Variants in TWSG1 observed in about 807,000 individuals in gnomAD.
The protein encoded by TWSG1 is twisted gastrulation BMP signaling modulator 1.
A neutral mutation model predicts 23.0 loss-of-function variants in TWSG1; 15 were observed. The ratio of observed to expected loss-of-function variants is 0.65; its 90% CI spans 0.44 to 1.00. The LOEUF is 1.00. Among genes scored for constraint, TWSG1 ranks in the 50% least tolerant of loss-of-function variants. The pLI is 0.00. For synonymous variants in TWSG1, 86 were observed against 92.8 expected, an observed-to-expected ratio of 0.93 and a Z score of 0.42; for missense variants, 242 against 278.7, an observed-to-expected ratio of 0.87 and a Z score of 0.94.
intron 2 of TWSG1, among the ~76,000 whole-genome samples, chr18:9,358,610 C>G (rs1285620436): frequency 6.6e-6 from 1 of 152,074 alleles, no homozygotes; most frequent in Non-Finnish European, 1.5e-5. Context: ...TCTTAAGGAG[C>G]AGGCTTCTGG....
At chr18:9,353,715 G>A (rs908351398) in intron 2 of TWSG1, among the ~76,000 whole-genome samples, 5 of 152,150 alleles carry the variant, frequency 3.3e-5, no homozygotes, top group Non-Finnish European at 7.4e-5. Flanking sequence ...TTTCAAAGCC[G>A]CAGTTGTGTG....
At chr18:9,390,562 G>A (rs2040707875) in intron 3 of TWSG1, among the ~76,000 whole-genome samples, 1 of 152,090 alleles carries the variant, frequency 6.6e-6, no homozygotes, top group African/African-American at 2.4e-5. Flanking sequence ...GTCCCCCAAA[G>A]TGCTGAGATT....
intron 1 of TWSG1, among the ~76,000 whole-genome samples, chr18:9,335,709 C>T (rs1225915351): frequency 1.3e-5 from 2 of 152,156 alleles, no homozygotes; most frequent in Non-Finnish European, 2.9e-5. Flanking sequence ...TTAGGGAATG[C>T]TTTGTGAGCC....
intron 3 of TWSG1, among the ~76,000 whole-genome samples, chr18:9,375,830 A>C (rs966324898): frequency 2.0e-5 from 3 of 152,254 alleles, no homozygotes; most frequent in Admixed American, 2.0e-4. Context: ...ATGAAATCAA[A>C]GAATTAAATA....
intron 3 of TWSG1, among the ~76,000 whole-genome samples, chr18:9,394,777 C>G (rs1203239111): frequency 1.3e-5 from 2 of 152,086 alleles, no homozygotes; most frequent in Non-Finnish European, 2.9e-5. Flanking sequence ...CATGCATGCA[C>G]ACACACGCAC....
In TWSG1 at chr18:9,399,721, C is replaced by T; in HGVS notation, c.*194C>T. On this transcript the variant is annotated 3_prime_UTR_variant, in exon 5 of 5. Transcript: ENST00000262120. ...ATAACTGTTCTTACTGATTTTATTGCCCCCTAGCAATAAGCCCTTTCCTTT... is the reference window on the plus strand; with the variant it reads ...ATAACTGTTCTTACTGATTTTATTGTCCCCTAGCAATAAGCCCTTTCCTTT... 2 of 492,156 alleles carry T rather than the reference C, an allele frequency of 4.1e-6. No individual in the cohort carries two copies. The highest frequency in any genetic ancestry group is 7.1e-5 in the East Asian group (2 of 28,220). 30.5% of individuals were successfully genotyped at this position (492,156 alleles called of 1,614,324 possible). A position where few individuals can be genotyped will look rare whatever the true frequency, so the allele number is the denominator to read the frequency against.
intron 2 of TWSG1, among the ~76,000 whole-genome samples, chr18:9,346,157 C>T (rs1450942611): frequency 6.6e-6 from 1 of 152,130 alleles, no homozygotes; most frequent in Non-Finnish European, 1.5e-5. Flanking sequence ...CCTACCTCCC[C>T]CCAGTCCCCT....
At chr18:9,342,472 A>C (rs1028139174) in intron 2 of TWSG1, among the ~76,000 whole-genome samples, 1 of 152,216 alleles carries the variant, frequency 6.6e-6, no homozygotes, top group Non-Finnish European at 1.5e-5. Context: ...TGATTATATA[A>C]ATATTGTTGA....
rs758746809 is a variant in TWSG1 at position 9,399,495 on chromosome 18, A to G, written c.640A>G (p.Lys214Glu). The G allele has an allele frequency of 1.6e-5, 26 of 1,608,910 alleles. No individual in the cohort carries two copies. Among genetic ancestry groups the G allele is most frequent in the Non-Finnish European group, 2.1e-5 (25 of 1,178,872 alleles). The change falls in exon 5 of 5, where the codon AAA (lysine) becomes GAA (glutamate). Residue 214 changes from lysine (K) to glutamate (E), a missense_variant. Physicochemically the swap from Lys to Glu is moderately conservative, Grantham distance 56. Transcript: ENST00000262120. Reference sequence around the variant, plus strand: ...TCCAGAATGTATTGACTATGGTAGTAAAACTGTCAAATGTATGAACTGCAT... The same window carrying G: ...TCCAGAATGTATTGACTATGGTAGTGAAACTGTCAAATGTATGAACTGCAT... ...IGPECIDYGS[K>E]TVKCMNCMF
At chr18:9,380,826 CA>C (rs1220618161) in intron 3 of TWSG1, among the ~76,000 whole-genome samples, 1 of 152,112 alleles carries the variant, frequency 6.6e-6, no homozygotes, top group Non-Finnish European at 1.5e-5. Context: ...TTATGTTTAT[CA>C]AAACAGAGCC....
intron 1 of TWSG1, among the ~76,000 whole-genome samples, chr18:9,336,535 T>G (rs376248524): frequency 9.2e-5 from 14 of 152,362 alleles, no homozygotes; most frequent in African/African-American, 2.9e-4. Context: ...TTTGAGCTGC[T>G]TTATTCTGTC....
At chr18:9,355,551 A>G (rs12956692) in intron 2 of TWSG1, among the ~76,000 whole-genome samples, 101,329 of 152,038 alleles carry the variant, frequency 0.67, 34,244 homozygotes, top group Middle Eastern at 0.75. Flanking sequence ...ATAGAAAAGA[A>G]TGAATTACTT....
chr18:9,383,183 GT>G lies in TWSG1; in HGVS notation c.224-13087del, dbSNP rs1403740714. ...TATGGTGGTGATATCCGAATTACAC[GT>G]TTTTTTTTTGTTTTTTTTTTTTTTT... On this transcript the variant is annotated intron_variant, in intron 3 of 4. Coordinates refer to ENST00000262120, the MANE Select transcript of TWSG1 (RefSeq NM_020648.6). Among the ~76,000 whole-genome samples, 11 of 75,318 alleles carry G rather than the reference GT, an allele frequency of 1.5e-4. No homozygotes were observed. The South Asian group carries it at 3.4e-3, about 23-fold the overall frequency. 49.4% of individuals were successfully genotyped at this position (75,318 alleles called of 152,430 possible). A position where few individuals can be genotyped will look rare whatever the true frequency, so the allele number is the denominator to read the frequency against.
chr18:9,374,447 T>C (rs1364610375), intron 3 of TWSG1, among the ~76,000 whole-genome samples: 1 of 152,188 alleles, frequency 6.6e-6, no homozygotes. Context: ...GACCAATTCC[T>C]TGAAGGACAC....
At chr18:9,362,211 A>C (rs1226978037) in intron 3 of TWSG1, among the ~76,000 whole-genome samples, 2 of 152,156 alleles carry the variant, frequency 1.3e-5, no homozygotes, top group East Asian at 3.8e-4. Context: ...ATATACACAC[A>C]TAAGATTTTT....
intron 1 of TWSG1, among the ~76,000 whole-genome samples, chr18:9,336,198 C>T (rs1263191492): frequency 1.3e-5 from 2 of 152,022 alleles, no homozygotes; most frequent in African/African-American, 4.8e-5. Flanking sequence ...TCGAGACCAG[C>T]CTGGCCAATA....
intron 3 of TWSG1, among the ~76,000 whole-genome samples, chr18:9,371,998 C>G (rs1417350156): frequency 2.0e-5 from 3 of 151,952 alleles, no homozygotes; most frequent in African/African-American, 7.3e-5. Context: ...AACTCCTGAC[C>G]TCATGATCCG....
Position 9,400,379 on chromosome 18 carries a change from C to G in TWSG1, c.*852C>G, listed in dbSNP as rs1258903487. Reference sequence around the variant, plus strand: ...GAACGAATGCCAAATCAGACTCCACCTAGAGCACCAGGAAACAGCTTGTAC... The same window carrying G: ...GAACGAATGCCAAATCAGACTCCACGTAGAGCACCAGGAAACAGCTTGTAC... On this transcript the variant is annotated 3_prime_UTR_variant, in exon 5 of 5. Transcript: ENST00000262120. 2 of 152,154 alleles carry G rather than the reference C, an allele frequency of 1.3e-5. No individual in the cohort carries two copies. The highest frequency in any genetic ancestry group is 2.9e-5 in the Non-Finnish European group (2 of 68,036). The allele number at this position is 152,154 out of a possible 1,614,324, so 9.4% of individuals were successfully genotyped here.
intron 2 of TWSG1, among the ~76,000 whole-genome samples, chr18:9,344,674 A>G (rs1452149583): frequency 2.0e-5 from 3 of 151,646 alleles, no homozygotes; most frequent in South Asian, 4.2e-4. Flanking sequence ...GACTATAGGC[A>G]TGCACCACCA....
Sources: allele counts gnomAD v4.1 joint callset (sites outside exome capture counted in the v4.1 genomes callset), GRCh38; gene constraint gnomAD v4.1.1; transcripts MANE v1.5; gene names NCBI Gene and HGNC (gene_info 2026-07-23, HGNC 2026-07-21).